The following CCDC171 variants were observed in gnomAD, a reference collection of about 807,000 sequenced individuals.
The protein encoded by CCDC171 is coiled-coil domain-containing protein 171.
A neutral mutation model predicts 168.2 loss-of-function variants in CCDC171; 177 were observed. That is an observed-to-expected ratio of 1.05 (90% CI 0.93 to 1.19). The LOEUF is 1.19. Among genes scored for constraint, CCDC171 ranks in the 50% most tolerant of loss-of-function variants. The pLI is 0.00. For synonymous variants in CCDC171, 687 were observed against 540.8 expected (o/e 1.27, Z -3.75); for missense variants, 1,991 against 1,539.0 (o/e 1.29, Z -4.91).
intron 10 of CCDC171, among the ~76,000 whole-genome samples, chr9:15,683,588 C>G (rs1375340834): frequency 6.6e-6 from 1 of 151,764 alleles, no homozygotes; most frequent in African/African-American, 2.4e-5. Context: ...AATTTTAGTT[C>G]TAGTAAATAA....
chr9:15,996,599 T>C (rs1832381638), intron 3 of CCDC171, among the ~76,000 whole-genome samples: 1 of 151,836 alleles, frequency 6.6e-6, no homozygotes, highest in Admixed American at 6.6e-5. Context: ...AATTTTGGAT[T>C]AGGAATGCTC....
intron 3 of CCDC171, among the ~76,000 whole-genome samples, chr9:16,007,465 T>G (rs552432952): frequency 3.5e-4 from 54 of 152,360 alleles, no homozygotes; most frequent in African/African-American, 1.2e-3. Flanking sequence ...TTTTGGCTTT[T>G]GTTGCCATTG....
At chr9:15,663,695 T>G (rs781054760) in intron 8 of CCDC171, among the ~76,000 whole-genome samples, 3 of 150,148 alleles carry the variant, frequency 2.0e-5, no homozygotes, top group Non-Finnish European at 4.4e-5. Context: ...AAGCTCTGCC[T>G]CCCAGATTCA....
At chr9:15,584,513 A>C (rs1019568881) in intron 4 of CCDC171, among the ~76,000 whole-genome samples, 2 of 152,192 alleles carry the variant, frequency 1.3e-5, no homozygotes, top group African/African-American at 4.8e-5. Flanking sequence ...TAATAAACTG[A>C]GTGGGAAACC....
intron 10 of CCDC171, among the ~76,000 whole-genome samples, chr9:15,692,556 C>G (rs1234255971): frequency 1.3e-5 from 2 of 148,572 alleles, no homozygotes; most frequent in South Asian, 2.1e-4. Flanking sequence ...GAGACAGAGT[C>G]TCACTCTTTT....
At chr9:15,723,326 C>T (rs1159279890) in intron 12 of CCDC171, among the ~76,000 whole-genome samples, 1 of 152,066 alleles carries the variant, frequency 6.6e-6, no homozygotes, top group Non-Finnish European at 1.5e-5. Flanking sequence ...CTTATAGATG[C>T]CCCTGCTTCT....
chr9:15,632,428 C>G (rs1486276177), intron 7 of CCDC171, among the ~76,000 whole-genome samples: 1 of 151,900 alleles, frequency 6.6e-6, no homozygotes, highest in African/African-American at 2.4e-5. Flanking sequence ...ACAATTGCTT[C>G]AAAGAGAATA....
chr9:15,603,404 C>T (rs1008119798), intron 6 of CCDC171, among the ~76,000 whole-genome samples: 4 of 152,168 alleles, frequency 2.6e-5, no homozygotes, highest in Non-Finnish European at 5.9e-5. Context: ...CTCTCCCTCC[C>T]TTCACTCCAC....
At chr9:15,704,798 G>A (rs1306907883) in intron 11 of CCDC171, among the ~76,000 whole-genome samples, 7 of 152,090 alleles carry the variant, frequency 4.6e-5, no homozygotes, top group South Asian at 2.1e-4. Flanking sequence ...TTTACCGAGA[G>A]GATTTAACTT....
chr9:15,814,642 A>T (rs1396745640), intron 21 of CCDC171, among the ~76,000 whole-genome samples: 1 of 152,036 alleles, frequency 6.6e-6, no homozygotes, highest in Non-Finnish European at 1.5e-5. Flanking sequence ...ACATTGTTAT[A>T]ACTTACAATT....
intron 18 of CCDC171, among the ~76,000 whole-genome samples, chr9:15,750,893 A>C (rs897496870): frequency 6.6e-6 from 1 of 152,010 alleles, no homozygotes; most frequent in African/African-American, 2.4e-5. Context: ...CTCTCTCACC[A>C]CTCCTATTCA....
At chr9:15,956,945 G>C (rs1484957035) in intron 25 of CCDC171, among the ~76,000 whole-genome samples, 1 of 151,536 alleles carries the variant, frequency 6.6e-6, no homozygotes, top group Non-Finnish European at 1.5e-5. Flanking sequence ...TTAATATTAA[G>C]TTTTGGTAGT....
chr9:15,743,802 G>T (rs2055065406), intron 16 of CCDC171, among the ~76,000 whole-genome samples: 1 of 152,152 alleles, frequency 6.6e-6, no homozygotes, highest in Non-Finnish European at 1.5e-5. Flanking sequence ...CATGCTATTT[G>T]TTATATCATT....
At chr9:15,813,208 G>A (rs1424595888) in intron 21 of CCDC171, among the ~76,000 whole-genome samples, 2 of 152,084 alleles carry the variant, frequency 1.3e-5, no homozygotes, top group Admixed American at 6.6e-5. Context: ...CTTAAATATT[G>A]GTTATATGGT....
chr9:16,064,662 A>G (rs1833972657), downstream of CCDC171, among the ~76,000 whole-genome samples: 1 of 152,142 alleles, frequency 6.6e-6, no homozygotes, highest in South Asian at 2.1e-4. Context: ...CTGGCAAAGA[A>G]TTTCCTGGGG....
intron 6 of CCDC171, among the ~76,000 whole-genome samples, chr9:16,031,675 A>G (rs898188327): frequency 4.6e-5 from 7 of 152,168 alleles, no homozygotes; most frequent in Non-Finnish European, 8.8e-5. Flanking sequence ...CAGCCCAGAG[A>G]ATGCATTTCC....
chr9:16,101,841 C>T, the CCDC171 span, among the ~76,000 whole-genome samples: 1 of 152,198 alleles, frequency 6.6e-6, no homozygotes, highest in Non-Finnish European at 1.5e-5. Flanking sequence ...CTGCCAACAA[C>T]CTGAGAGCTG....
chr9:15,769,095 A>G (rs1450929024), intron 18 of CCDC171, among the ~76,000 whole-genome samples: 4 of 152,244 alleles, frequency 2.6e-5, no homozygotes, highest in Non-Finnish European at 5.9e-5. Flanking sequence ...GTTTCCTGGC[A>G]CTAAACTTTA....
At chr9:15,703,571 T>C in intron 11 of CCDC171, among the ~76,000 whole-genome samples, 2 of 152,232 alleles carry the variant, frequency 1.3e-5, no homozygotes, top group East Asian at 3.9e-4. Context: ...TTCATCCATG[T>C]TGCCACAAAT....
Sources: allele counts gnomAD v4.1 joint callset (sites outside exome capture counted in the v4.1 genomes callset), GRCh38; gene constraint gnomAD v4.1.1; transcripts MANE v1.5; gene names NCBI Gene and HGNC (gene_info 2026-07-23, HGNC 2026-07-21).